The following FAM193A variants were observed in gnomAD, a reference collection of about 807,000 sequenced individuals.
FAM193A encodes protein FAM193A.
A neutral mutation model predicts 126.5 loss-of-function variants in FAM193A; 22 were observed. That is an observed-to-expected ratio of 0.17 (90% CI 0.12 to 0.25). The LOEUF is 0.25. Among genes scored for constraint, FAM193A ranks in the 10% least tolerant of loss-of-function variants. The probability of loss-of-function intolerance (pLI) is 1.00; values close to 1 mark genes in which losing one functional copy is unlikely to be tolerated. For missense variants in FAM193A, 1,675 were observed against 1,672.8 expected (o/e 1.00, Z -0.02); for synonymous variants, 761 against 646.8 (o/e 1.18, Z -2.68).
intron 1 of FAM193A, among the ~76,000 whole-genome samples, chr4:2,552,409 C>T (rs1737985663): frequency 6.6e-6 from 1 of 152,064 alleles, no homozygotes; most frequent in Non-Finnish European, 1.5e-5. Context: ...CCTCTGCCTC[C>T]CAAAGTGCTG....
intron 1 of FAM193A, among the ~76,000 whole-genome samples, chr4:2,561,035 G>A: frequency 6.6e-6 from 1 of 152,328 alleles, no homozygotes; most frequent in South Asian, 2.1e-4. Context: ...CCATGCCATT[G>A]TAGTTCTCCT....
At chr4:2,726,060 G>A (rs1347084275) in intron 20 of FAM193A, among the ~76,000 whole-genome samples, 1 of 152,018 alleles carries the variant, frequency 6.6e-6, no homozygotes, top group African/African-American at 2.4e-5. Context: ...CACCACGCCT[G>A]GCAATTTTTT....
At chr4:2,590,504 A>C (rs963048799) in intron 1 of FAM193A, among the ~76,000 whole-genome samples, 4,298 of 83,926 alleles carry the variant, frequency 0.051, 952 homozygotes, top group African/African-American at 0.19. Context: ...AACAAAAAAA[A>C]ACAAAAAAAA....
intron 7 of FAM193A, among the ~76,000 whole-genome samples, chr4:2,653,302 A>C (rs1745852846): frequency 6.6e-6 from 1 of 152,324 alleles, no homozygotes; most frequent in Non-Finnish European, 1.5e-5. Flanking sequence ...TATATGTAAA[A>C]ATAACACATA....
At chr4:2,547,075 C>G (rs141164597) in intron 1 of FAM193A, among the ~76,000 whole-genome samples, 242 of 152,256 alleles carry the variant, frequency 1.6e-3, no homozygotes, top group African/African-American at 5.7e-3. Flanking sequence ...AAGCCCTGGC[C>G]TAAACTGTTT....
chr4:2,607,908 T>G, intron 2 of FAM193A: 1 of 1,077,466 alleles, frequency 9.3e-7, no homozygotes, highest in Non-Finnish European at 1.3e-6. Flanking sequence ...TTTGTCTGTT[T>G]TTCACTATGT....
chr4:2,602,226 A>G (rs1160106279), intron 2 of FAM193A, among the ~76,000 whole-genome samples: 2 of 151,892 alleles, frequency 1.3e-5, no homozygotes, highest in South Asian at 4.2e-4. Context: ...AAAAAAAAAA[A>G]TTTAGAGGCC....
chr4:2,537,976 A>G (rs935883595), intron 1 of FAM193A, among the ~76,000 whole-genome samples: 4 of 152,226 alleles, frequency 2.6e-5, no homozygotes, highest in Non-Finnish European at 4.4e-5. Context: ...ACCGTTGGTC[A>G]CAACATTTCA....
chr4:2,550,787 ATTTATTTATTTATTTATTT>A (rs1737874186), intron 1 of FAM193A, among the ~76,000 whole-genome samples: 1 of 78,194 alleles, frequency 1.3e-5, no homozygotes, highest in African/African-American at 6.4e-5. Flanking sequence ...TTATTTATTT[ATTTATTTATTTATTTATTT>A]ATTTATTTAT....
chr4:2,709,074 G>T (rs1283488861), intron 19 of FAM193A, among the ~76,000 whole-genome samples: 4 of 151,992 alleles, frequency 2.6e-5, no homozygotes, highest in Non-Finnish European at 5.9e-5. Context: ...AAAAAATCCA[G>T]CGATTCCTCA....
intron 6 of FAM193A, among the ~76,000 whole-genome samples, chr4:2,642,007 C>T (rs888220946): frequency 1.1e-4 from 16 of 150,190 alleles, no homozygotes; most frequent in South Asian, 4.2e-4. Flanking sequence ...GAGGTCGAGG[C>T]GGGCCAGGTG....
At chr4:2,541,858 T>A (rs929028527) in intron 1 of FAM193A, among the ~76,000 whole-genome samples, 2 of 151,650 alleles carry the variant, frequency 1.3e-5, no homozygotes, top group African/African-American at 4.8e-5. Context: ...TGAGACAGAG[T>A]CTTGCTCTGT....
At chr4:2,611,130 G>C (rs2108942723) in intron 2 of FAM193A, among the ~76,000 whole-genome samples, 1 of 152,272 alleles carries the variant, frequency 6.6e-6, no homozygotes, top group South Asian at 2.1e-4. Flanking sequence ...TGCTTATACT[G>C]TTCTGCAGCC....
intron 2 of FAM193A, among the ~76,000 whole-genome samples, chr4:2,616,070 G>C (rs1206919630): frequency 1.3e-5 from 2 of 152,246 alleles, no homozygotes; most frequent in Admixed American, 1.3e-4. Context: ...CAAAGTGCTT[G>C]GGTTAAGGCT....
At chr4:2,640,502 T>C (rs1744505831) in intron 6 of FAM193A, among the ~76,000 whole-genome samples, 2 of 152,200 alleles carry the variant, frequency 1.3e-5, no homozygotes. Context: ...TTCCTCCTGA[T>C]GTGACGTTAC....
At chr4:2,676,853 A>G (rs1218581539) in intron 13 of FAM193A, among the ~76,000 whole-genome samples, 2 of 152,104 alleles carry the variant, frequency 1.3e-5, no homozygotes, top group Non-Finnish European at 1.5e-5. Flanking sequence ...AGGCAGGAAA[A>G]TGGCGTGAAC....
Position 2,663,171 on chromosome 4 carries a change from C to G in FAM193A, c.1962C>G (p.Gly654=). The change falls in exon 12 of 21, where the codon GGC becomes GGG. Residue 654 remains glycine (G), a synonymous_variant. Coordinates refer to ENST00000637812, the MANE Select transcript of FAM193A (RefSeq NM_001366318.2). ...SSEADDEEAD[G]ESSGEPPGAP... is the part of the protein sequence containing the mutation. Reference sequence around the variant, plus strand: ...AAGCTGATGATGAAGAAGCGGACGGCGAGAGTAGTGGGGAGCCCCCAGGGG... The same window carrying G: ...AAGCTGATGATGAAGAAGCGGACGGGGAGAGTAGTGGGGAGCCCCCAGGGG... 1.2e-6 allele frequency: 2 copies of G among 1,614,110 alleles called. No homozygotes were observed. The highest frequency in any genetic ancestry group is 1.7e-6 in the Non-Finnish European group (2 of 1,180,004).
At chr4:2,643,862 C>T (rs1359723185) in intron 6 of FAM193A, among the ~76,000 whole-genome samples, 1 of 152,156 alleles carries the variant, frequency 6.6e-6, no homozygotes, top group Admixed American at 6.5e-5. Context: ...GGGGGTGCAT[C>T]CCTCAGGCCT....
At chr4:2,545,085 T>G (rs762577817) in intron 1 of FAM193A, among the ~76,000 whole-genome samples, 7 of 152,022 alleles carry the variant, frequency 4.6e-5, no homozygotes, top group Non-Finnish European at 1.0e-4. Context: ...CTCTGCCTCC[T>G]GGGTTCAAGT....
Sources: allele counts gnomAD v4.1 joint callset (sites outside exome capture counted in the v4.1 genomes callset), GRCh38; gene constraint gnomAD v4.1.1; transcripts MANE v1.5; gene names NCBI Gene and HGNC (gene_info 2026-07-23, HGNC 2026-07-21).